Variants in SLC22A24 observed in about 807,000 individuals in gnomAD.
SLC22A24 encodes steroid transmembrane transporter SLC22A24.
In SLC22A24, 53 loss-of-function variants were observed where a neutral mutation model predicts 49.8. The observed-to-expected ratio is 1.06, with a 90% CI of 0.85 to 1.34. The LOEUF (loss-of-function observed/expected upper bound fraction) is 1.34, where lower values mean the gene tolerates loss of function less well. Among genes scored for constraint, SLC22A24 ranks in the 40% most tolerant of loss-of-function variants. The probability of loss-of-function intolerance (pLI) is 0.00; values close to 1 mark genes in which losing one functional copy is unlikely to be tolerated. For missense variants in SLC22A24, 786 were observed against 675.9 expected (o/e 1.16, Z -1.81); for synonymous variants, 302 against 256.4 (o/e 1.18, Z -1.70).
chr11:63,089,707 A>G (rs1726124134), intron 6 of SLC22A24, among the ~76,000 whole-genome samples: 1 of 152,198 alleles, frequency 6.6e-6, no homozygotes, highest in African/African-American at 2.4e-5. Context: ...AGATTTATCA[A>G]GAAAATGGCA....
chr11:63,143,671 A>C lies in SLC22A24; in HGVS notation c.109T>G (p.Leu37Val). 6.3e-7 allele frequency: 1 copy of C among 1,597,738 alleles called. No individual in the cohort carries two copies. Among genetic ancestry groups the C allele is most frequent in the South Asian group, 1.1e-5 (1 of 88,064 alleles). The change falls in exon 1 of 10, where the codon TTG (leucine) becomes GTG (valine). Residue 37 changes from leucine (L) to valine (V), a missense_variant. By Grantham distance (32) the Leu-to-Val change is conservative (BLOSUM62 1). Transcript: ENST00000612278. Reference protein sequence around the residue: ...TNILLFPNIVLENFTAFTPSH... With the variant: ...TNILLFPNIVVENFTAFTPSH... Reference sequence around the variant, plus strand: ...GGGGTGAATGCAGTGAAGTTCTCCAACACAATATTAGGGAACAGTAGGATG... The same window carrying C: ...GGGGTGAATGCAGTGAAGTTCTCCACCACAATATTAGGGAACAGTAGGATG...
At position 63,134,692 on chromosome 11, in the gene SLC22A24, C is replaced by T; in HGVS notation, c.479G>A (p.Gly160Asp). ...SLFMAGSLLG[G>D]LIYGHLSDRV... ...GTCTGAAAGATGGCCATATATTAGA[C>T]CTCCCAGAAGTGACCCAGCCATAAA... Residue 160 changes from glycine to aspartate, a missense_variant, in exon 2 of 10, where the codon GGT (glycine) becomes GAT (aspartate). Gly to Asp is a moderately conservative substitution (Grantham distance 94, BLOSUM62 -1). Transcript: ENST00000612278. 6.4e-7 allele frequency: 1 copy of T among 1,553,010 alleles called. No individual in the cohort carries two copies.
intron 1 of SLC22A24, 112 bp from the exon 2 acceptor site, chr11:63,134,880 C>A: frequency 3.1e-6 from 2 of 644,286 alleles, no homozygotes; most frequent in Non-Finnish European, 5.4e-6. Context: ...CTAGGCAGGT[C>A]CTGCCTCCCT....
At position 63,134,694 on chromosome 11, in the gene SLC22A24, T is replaced by G; in HGVS notation, c.477A>C (p.Gly159=). Residue 159 remains glycine (G), a synonymous_variant, in exon 2 of 10, where the codon GGA becomes GGC. Coordinates refer to ENST00000612278, the MANE Select transcript of SLC22A24 (RefSeq NM_001136506.2). Reference sequence around the variant, plus strand: ...CTGAAAGATGGCCATATATTAGACCTCCCAGAAGTGACCCAGCCATAAATA... The same window carrying G: ...CTGAAAGATGGCCATATATTAGACCGCCCAGAAGTGACCCAGCCATAAATA... ...QSLFMAGSLL[G]GLIYGHLSDR... 1 of 1,553,634 alleles carries G rather than the reference T, an allele frequency of 6.4e-7. No individual in the cohort carries two copies. The highest frequency in any genetic ancestry group is 8.7e-7 in the Non-Finnish European group (1 of 1,147,192).
At chr11:63,093,169 C>T (rs891220726) in intron 6 of SLC22A24, among the ~76,000 whole-genome samples, 6 of 152,130 alleles carry the variant, frequency 3.9e-5, no homozygotes, top group Non-Finnish European at 5.9e-5. Flanking sequence ...GAATGGTACT[C>T]ATTAAAAAGT....
chr11:63,143,496 T>C lies in SLC22A24; in HGVS notation c.284A>G (p.Gln95Arg), dbSNP rs1565047824. The C allele has an allele frequency of 2.5e-6, 4 of 1,600,920 alleles. No homozygotes were observed. Among genetic ancestry groups the C allele is most frequent in the Non-Finnish European group, 3.4e-6 (4 of 1,173,958 alleles). ...CCCGTTCAGGTGAAGGAGCTGCCAC[T>C]GGGGATGGATAAAGCGCTGACACTT... ...PQKCQRFIHP[Q>R]WQLLHLNGTF... is the part of the protein sequence containing the mutation. The change falls in exon 1 of 10, where the codon CAG becomes CGG. Residue 95 changes from glutamine (Q) to arginine (R), a missense_variant. Gln to Arg is a conservative substitution (Grantham distance 43). Coordinates refer to ENST00000612278, the MANE Select transcript of SLC22A24 (RefSeq NM_001136506.2).
intron 2 of SLC22A24, among the ~76,000 whole-genome samples, chr11:63,122,320 G>A (rs527554053): frequency 2.1e-4 from 32 of 152,156 alleles, no homozygotes; most frequent in African/African-American, 7.2e-4. Flanking sequence ...CTGGTTCTCC[G>A]AGCTACTGTC....
At position 63,118,980 on chromosome 11, in the gene SLC22A24, G is replaced by T. The variant is rs1174854569; in HGVS notation, c.762C>A (p.Ala254=). 1 of 1,551,908 alleles carries T rather than the reference G, an allele frequency of 6.4e-7. No individual in the cohort carries two copies. The highest frequency in any genetic ancestry group is 8.7e-7 in the Non-Finnish European group (1 of 1,147,016). Residue 254 remains alanine (A), a synonymous_variant, in exon 4 of 10, where the codon GCC becomes GCA. Transcript: ENST00000612278. The part of the protein sequence containing the change: ...GQMLLGGLAF[A]IQDWHILQLT... ...GTTGCAATATGTGCCAGTCCTGAAT[G>T]GCAAAAGCCAGCCCTCCTAGGAGCA... is the stretch of plus-strand genomic sequence containing the variant.
chr11:63,119,123 T>C (rs1239836627), intron 3 of SLC22A24, 43 bp from the exon 4 acceptor site: 2 of 1,526,620 alleles, frequency 1.3e-6, no homozygotes, highest in Non-Finnish European at 1.8e-6. Flanking sequence ...AGACAAATGG[T>C]AATTTCAAGG....
chr11:63,116,834 T>A (rs2155321), intron 4 of SLC22A24, among the ~76,000 whole-genome samples: 146,594 of 152,266 alleles, frequency 0.96, 70,827 homozygotes, highest in East Asian at 1. Flanking sequence ...TTTACTGCTT[T>A]TTTTCTGCCT....
chr11:63,129,247 G>A (rs973165537), intron 2 of SLC22A24, among the ~76,000 whole-genome samples: 3 of 152,142 alleles, frequency 2.0e-5, no homozygotes, highest in Non-Finnish European at 4.4e-5. Context: ...TTTCCCCATT[G>A]CTTGTTTTTG....
At chr11:63,133,507 C>G (rs2134680423) in intron 2 of SLC22A24, among the ~76,000 whole-genome samples, 1 of 152,304 alleles carries the variant, frequency 6.6e-6, no homozygotes, top group East Asian at 1.9e-4. Flanking sequence ...CATCTAAACT[C>G]TCCTCAGTGT....
chr11:63,119,036 C>T lies in SLC22A24; in HGVS notation c.706G>A (p.Val236Met). The part of the protein sequence containing the change: ...LPRSRSMTIM[V>M]LLCSYSVGQM... Reference sequence around the variant, plus strand: ...CCAACACTGTAGGAACATAATAGCACCATTATTGTCATAGATCGTGACCGG... The same window carrying T: ...CCAACACTGTAGGAACATAATAGCATCATTATTGTCATAGATCGTGACCGG... The change falls in exon 4 of 10, where the codon GTG becomes ATG. Residue 236 changes from valine to methionine, a missense_variant. By Grantham distance (21) the Val-to-Met change is conservative. Coordinates refer to ENST00000612278, the MANE Select transcript of SLC22A24 (RefSeq NM_001136506.2). 1 of 1,551,456 alleles carries T rather than the reference C, an allele frequency of 6.4e-7. No homozygotes were observed. The highest frequency in any genetic ancestry group is 8.7e-7 in the Non-Finnish European group (1 of 1,146,818).
intron 2 of SLC22A24, among the ~76,000 whole-genome samples, chr11:63,121,317 A>T (rs967605387): frequency 1.3e-5 from 2 of 152,214 alleles, no homozygotes; most frequent in Non-Finnish European, 2.9e-5. Context: ...TTAGTAAAAA[A>T]AATTCTCATA....
At chr11:63,125,204 A>C (rs1240350054) in intron 2 of SLC22A24, among the ~76,000 whole-genome samples, 2 of 152,034 alleles carry the variant, frequency 1.3e-5, no homozygotes, top group East Asian at 3.9e-4. Flanking sequence ...CCTGTGCAGA[A>C]TGTGCAGTTT....
At chr11:63,080,803 C>G (rs938256919) in intron 9 of SLC22A24, 117 bp downstream of exon 9, 5 of 837,702 alleles carry the variant, frequency 6.0e-6, no homozygotes, top group Non-Finnish European at 9.3e-6. Flanking sequence ...TAGAAAAGTC[C>G]TAGGTCTGAG....
chr11:63,112,257 G>A (rs9666139), intron 4 of SLC22A24, among the ~76,000 whole-genome samples: 107,987 of 151,890 alleles, frequency 0.71, 39,998 homozygotes, highest in East Asian at 0.9. Context: ...GCTGAGGAGA[G>A]CTTTACTTCC....
In SLC22A24 at chr11:63,100,979, G is replaced by T. The variant is rs543130331; in HGVS notation, c.954+3196C>A. Among the ~76,000 whole-genome samples the T allele has an allele frequency of 3.9e-5, 6 of 152,160 alleles. No individual in the cohort carries two copies. The South Asian group carries it at 1.2e-3, about 32-fold the overall frequency. Reference sequence around the variant, plus strand: ...ACTGGGGAAACTCTCCAGGTCATTGGTCTGGGCAAAGATTTCTTGAGTAAT... The same window carrying T: ...ACTGGGGAAACTCTCCAGGTCATTGTTCTGGGCAAAGATTTCTTGAGTAAT... On this transcript the variant is annotated intron_variant, in intron 5 of 9. Coordinates refer to ENST00000612278, the MANE Select transcript of SLC22A24 (RefSeq NM_001136506.2).
At chr11:63,123,449 T>C (rs548179168) in intron 2 of SLC22A24, among the ~76,000 whole-genome samples, 45 of 152,294 alleles carry the variant, frequency 3.0e-4, no homozygotes, top group African/African-American at 1.1e-3. Context: ...ATGAAAATAA[T>C]TATATGCTAA....
Sources: gnomAD v4.1 joint callset for allele counts (sites outside exome capture counted in the v4.1 genomes callset) on GRCh38, gnomAD v4.1.1 for gene constraint, MANE v1.5 for transcripts, NCBI Gene and HGNC (gene_info 2026-07-23, HGNC 2026-07-21) for gene names.